Variants in HECW2 observed in about 807,000 individuals in gnomAD.
HECW2 encodes the protein E3 ubiquitin-protein ligase HECW2.
A neutral mutation model predicts 175.2 loss-of-function variants in HECW2; 61 were observed. The ratio of observed to expected loss-of-function variants is 0.35; its 90% CI spans 0.28 to 0.43. The LOEUF (loss-of-function observed/expected upper bound fraction) is 0.43, where lower values mean the gene tolerates loss of function less well. Ranked by LOEUF, HECW2 falls within the 20% of genes least tolerant of loss-of-function variation. The probability of loss-of-function intolerance (pLI) is 1.00; values close to 1 mark genes in which losing one functional copy is unlikely to be tolerated. For synonymous variants in HECW2, 671 were observed against 731.0 expected, an observed-to-expected ratio of 0.92 and a Z score of 1.32; for missense variants, 1,524 against 2,000.5, an observed-to-expected ratio of 0.76 and a Z score of 4.54.
intron 2 of HECW2, among the ~76,000 whole-genome samples, chr2:196,401,034 AAAC>A (rs556327115): frequency 2.3e-3 from 346 of 152,370 alleles, no homozygotes; most frequent in Non-Finnish European, 3.6e-3. Flanking sequence ...CCGGAAACTG[AAAC>A]AACATTTCTG....
Position 196,197,389 on chromosome 2 carries a change from G to A in HECW2, c.*3888C>T, listed in dbSNP as rs1388617812. 1 of 149,548 alleles carries A rather than the reference G, an allele frequency of 6.7e-6. No individual in the cohort carries two copies. Among genetic ancestry groups the A allele is most frequent in the Non-Finnish European group, 1.5e-5 (1 of 67,542 alleles). The allele number at this position is 149,548 out of a possible 1,614,324, so 9.3% of individuals were successfully genotyped here. Reference sequence around the variant, plus strand: ...TATTAAAAATTTAAAAATAAAATAAGGCTTCTGATTAATGTTTTCCATTAT... The same window carrying A: ...TATTAAAAATTTAAAAATAAAATAAAGCTTCTGATTAATGTTTTCCATTAT... On this transcript the variant is annotated 3_prime_UTR_variant, in exon 29 of 29. Coordinates refer to ENST00000644978, the MANE Select transcript of HECW2 (RefSeq NM_001348768.2).
intron 2 of HECW2, among the ~76,000 whole-genome samples, chr2:196,396,254 T>C (rs1694658823): frequency 6.6e-6 from 1 of 152,132 alleles, no homozygotes; most frequent in African/African-American, 2.4e-5. Context: ...CATATCTAAA[T>C]GGAATAAAAA....
intron 2 of HECW2, chr2:196,361,797 T>C: frequency 1.0e-6 from 1 of 985,044 alleles, no homozygotes; most frequent in Non-Finnish European, 1.2e-6. Context: ...TCCACAGCAC[T>C]TTCCAATATC....
intron 1 of HECW2, among the ~76,000 whole-genome samples, chr2:196,593,297 C>T (rs193293355): frequency 8.6e-5 from 13 of 151,248 alleles, no homozygotes; most frequent in Admixed American, 2.6e-4. Flanking sequence ...GGGGGTCCTG[C>T]GCCTCCGGGA....
At position 196,222,193 on chromosome 2, in the gene HECW2, G is replaced by C; in HGVS notation, c.4146+18C>G. On this transcript the variant is annotated intron_variant, in intron 24 of 28. Coordinates refer to ENST00000644978, the MANE Select transcript of HECW2 (RefSeq NM_001348768.2). ...TTCAGTTACCACACTTAGGCGCCAG[G>C]TGTGCAGATACACACACCTGCCCAA... The C allele has an allele frequency of 2.5e-6, 4 of 1,610,016 alleles. No homozygotes were observed. The Admixed American group carries it at 6.7e-5, about 27-fold the overall frequency.
At chr2:196,278,152 A>ATATATATATATATATATATATATAT (rs1553489733) in intron 15 of HECW2, among the ~76,000 whole-genome samples, 141 of 119,918 alleles carry the variant, frequency 1.2e-3, no homozygotes, top group East Asian at 1.9e-3. Flanking sequence ...ATATATATAT[A>ATATATATATATATATATATATATAT]AAGAAATTCC....
At chr2:196,512,830 C>T (rs1688000808) in intron 1 of HECW2, among the ~76,000 whole-genome samples, 1 of 152,038 alleles carries the variant, frequency 6.6e-6, no homozygotes, top group African/African-American at 2.4e-5. Flanking sequence ...CCTGGGATTA[C>T]AGGTGCACAC....
intron 17 of HECW2, among the ~76,000 whole-genome samples, chr2:196,270,118 G>GT (rs1689672404): frequency 6.6e-6 from 1 of 152,188 alleles, no homozygotes; most frequent in Admixed American, 6.5e-5. Flanking sequence ...ACTTCTACCA[G>GT]TAAAGGTGAC....
At chr2:196,512,783 T>C (rs1161068823) in intron 1 of HECW2, among the ~76,000 whole-genome samples, 1 of 151,928 alleles carries the variant, frequency 6.6e-6, no homozygotes, top group Non-Finnish European at 1.5e-5. Context: ...TCCACCTCCC[T>C]GGTTCAAGCA....
chr2:196,497,844 G>T (rs1035673187), intron 1 of HECW2, among the ~76,000 whole-genome samples: 3 of 152,236 alleles, frequency 2.0e-5, no homozygotes, highest in Non-Finnish European at 4.4e-5. Context: ...AGGGCAAGAA[G>T]CATCTAGACA....
At chr2:196,306,655 A>T (rs754536445) in intron 12 of HECW2, 43 bp from the exon 13 acceptor site, 62 of 1,560,186 alleles carry the variant, frequency 4.0e-5, no homozygotes, top group Non-Finnish European at 4.7e-5. Context: ...AAATCTTTCT[A>T]TGATGTGAAA....
In HECW2 at chr2:196,334,444, C is replaced by CGGTGATGCA. The variant is rs760909580; in HGVS notation, c.466_474dup (p.Cys156_Thr158dup). On this transcript the variant is annotated inframe_insertion, in exon 4 of 29. Coordinates refer to ENST00000644978, the MANE Select transcript of HECW2 (RefSeq NM_001348768.2). ...CTCACCATCACAGCTGGGTTCTTCACGGTGATGCAGGGGGTCGTGGCTCGC... is the reference window on the plus strand; with the variant it reads ...CTCACCATCACAGCTGGGTTCTTCACGGTGATGCAGGTGATGCAGGGGGTCGTGGCTCGC... 1 of 1,609,216 alleles carries CGGTGATGCA rather than the reference C, an allele frequency of 6.2e-7. No homozygotes were observed. The highest frequency in any genetic ancestry group is 1.1e-5 in the South Asian group (1 of 90,002).
At chr2:196,225,745 T>C (rs1183537050) in intron 23 of HECW2, 27 bp downstream of exon 23, 1 of 1,345,568 alleles carries the variant, frequency 7.4e-7, no homozygotes, top group South Asian at 1.2e-5. Context: ...TACATGCTAA[T>C]TATGCAGGCA....
At chr2:196,476,919 C>T (rs73051062) in intron 1 of HECW2, among the ~76,000 whole-genome samples, 12,839 of 125,418 alleles carry the variant, frequency 0.1, 777 homozygotes, top group African/African-American at 0.19. Flanking sequence ...AAAACCAGAC[C>T]TGGCAACATG....
chr2:196,423,685 T>TGTGTGTGA (rs1491516896), intron 2 of HECW2, among the ~76,000 whole-genome samples: 3 of 1,482 alleles, frequency 2.0e-3, no homozygotes, highest in Non-Finnish European at 8.3e-3. Context: ...AGTATTCCAT[T>TGTGTGTGA]GTGTGTGTGT....
chr2:196,491,749 A>G (rs1056426450), intron 1 of HECW2, among the ~76,000 whole-genome samples: 1 of 152,058 alleles, frequency 6.6e-6, no homozygotes, highest in African/African-American at 2.4e-5. Flanking sequence ...CAGATAGTTG[A>G]TATAACTTAA....
chr2:196,500,512 A>G (rs949235084), intron 1 of HECW2, among the ~76,000 whole-genome samples: 6 of 152,236 alleles, frequency 3.9e-5, no homozygotes, highest in African/African-American at 1.4e-4. Flanking sequence ...CACTAAAAGC[A>G]TGAATGGAAA....
At position 196,318,857 on chromosome 2, in the gene HECW2, T is replaced by G; in HGVS notation, c.2033A>C (p.Glu678Ala). The change falls in exon 9 of 29, where the codon GAG becomes GCG. Residue 678 changes from glutamate (E) to alanine (A), a missense_variant. This residue lies in a region of HECW2 where 604 missense variants were observed against 588.3 expected (regional missense o/e 1.03). Transcript: ENST00000644978. Reference protein sequence around the residue: ...FPETPAFSSQEEEDGACAAEP... With the variant: ...FPETPAFSSQAEEDGACAAEP... ...TGCTGCACAGGCTCCGTCTTCCTCC[T>G]CCTGAGAAGAAAAGGCTGGGGTTTC... 2.6e-6 allele frequency: 4 copies of G among 1,551,858 alleles called. No individual in the cohort carries two copies. Among genetic ancestry groups the G allele is most frequent in the Non-Finnish European group, 3.5e-6 (4 of 1,149,052 alleles).
At chr2:196,282,058 T>C (rs151189885) in intron 14 of HECW2, among the ~76,000 whole-genome samples, 30 of 152,338 alleles carry the variant, frequency 2.0e-4, no homozygotes, top group African/African-American at 6.7e-4. Flanking sequence ...AGTTTTCTTT[T>C]CTGAAACAGT....
Sources: gnomAD v4.1 joint callset for allele counts (sites outside exome capture counted in the v4.1 genomes callset) on GRCh38, gnomAD v4.1.1 for gene constraint, gnomAD v4.1.1 regional missense constraint, MANE v1.5 for transcripts, NCBI Gene and HGNC (gene_info 2026-07-23, HGNC 2026-07-21) for gene names.